Variants in RALGPS2 observed in about 807,000 individuals in gnomAD.
RALGPS2 encodes the protein ras-specific guanine nucleotide-releasing factor RalGPS2.
RALGPS2 carries 43 observed loss-of-function variants against 86.8 expected under a neutral mutation model. The ratio of observed to expected loss-of-function variants is 0.50; its 90% CI spans 0.39 to 0.64. RALGPS2 has a LOEUF of 0.64. Among genes scored for constraint, RALGPS2 ranks in the 30% least tolerant of loss-of-function variants. The pLI is 0.00. For missense variants in RALGPS2, 536 were observed against 694.6 expected, an observed-to-expected ratio of 0.77 and a Z score of 2.57; for synonymous variants, 243 against 231.3, an observed-to-expected ratio of 1.05 and a Z score of -0.46.
intron 1 of RALGPS2, among the ~76,000 whole-genome samples, chr1:178,752,868 A>G (rs1651756798): frequency 1.3e-5 from 2 of 152,152 alleles, no homozygotes; most frequent in Non-Finnish European, 2.9e-5. Context: ...TGAATTCAGT[A>G]TGGTCTTTCT....
intron 7 of RALGPS2, among the ~76,000 whole-genome samples, chr1:178,826,545 G>C (rs1338731672): frequency 6.6e-6 from 1 of 152,142 alleles, no homozygotes; most frequent in Non-Finnish European, 1.5e-5. Context: ...ATGGTTGCCA[G>C]GGATGGGGAG....
At chr1:178,852,278 C>G (rs1031576591) in intron 8 of RALGPS2, among the ~76,000 whole-genome samples, 2 of 152,130 alleles carry the variant, frequency 1.3e-5, no homozygotes, top group African/African-American at 4.8e-5. Flanking sequence ...TTATTCCCAC[C>G]TAACAAATTG....
At chr1:178,873,601 A>C (rs988858413) in intron 8 of RALGPS2, among the ~76,000 whole-genome samples, 10 of 152,170 alleles carry the variant, frequency 6.6e-5, no homozygotes, top group African/African-American at 2.4e-4. Context: ...GCTCCTAGGC[A>C]TGTTTGTATA....
chr1:178,877,899 C>G (rs945020114), intron 9 of RALGPS2, among the ~76,000 whole-genome samples: 1 of 152,064 alleles, frequency 6.6e-6, no homozygotes, highest in African/African-American at 2.4e-5. Context: ...CAGCAACTTT[C>G]TCACAGCACA....
chr1:178,761,984 T>C lies in RALGPS2; in HGVS notation c.-83-14698T>C, dbSNP rs149192744. Reference sequence around the variant, plus strand: ...GGTAATAAGCATAGTACCCAGTAGGTAGTTTCTCAATCCTCACTCTTCTTC... The same window carrying C: ...GGTAATAAGCATAGTACCCAGTAGGCAGTTTCTCAATCCTCACTCTTCTTC... On this transcript the variant is annotated intron_variant, in intron 1 of 19. Transcript: ENST00000367635. 5.1e-4 allele frequency among the ~76,000 whole-genome samples: 78 copies of C among 152,278 alleles called. 2 individuals carry two copies. In the East Asian group the frequency reaches 0.013, roughly 25 times the overall value.
chr1:178,762,981 CTT>C (rs1355494576), intron 1 of RALGPS2, among the ~76,000 whole-genome samples: 4 of 151,964 alleles, frequency 2.6e-5, no homozygotes, highest in African/African-American at 4.8e-5. Flanking sequence ...TAAGTTTTAC[CTT>C]TAAGTCTTTA....
At chr1:178,852,300 C>T (rs1429038034) in intron 8 of RALGPS2, among the ~76,000 whole-genome samples, 1 of 152,160 alleles carries the variant, frequency 6.6e-6, no homozygotes, top group Admixed American at 6.5e-5. Context: ...TTTGTCTCTC[C>T]TCCAGTGAGT....
At chr1:178,861,406 A>T (rs957116669) in intron 8 of RALGPS2, among the ~76,000 whole-genome samples, 1 of 151,932 alleles carries the variant, frequency 6.6e-6, no homozygotes, top group South Asian at 2.1e-4. Context: ...GACTTTTGAC[A>T]TACTAAATCC....
intron 8 of RALGPS2, among the ~76,000 whole-genome samples, chr1:178,870,456 A>T (rs1057142866): frequency 1.3e-5 from 2 of 152,200 alleles, no homozygotes; most frequent in African/African-American, 4.8e-5. Flanking sequence ...TTCTACTGTC[A>T]CTAAAGCACT....
At chr1:178,870,984 T>G (rs1287673391) in intron 8 of RALGPS2, 1 of 152,212 alleles carries the variant, frequency 6.6e-6, no homozygotes, top group Non-Finnish European at 1.5e-5. Flanking sequence ...TGGGCCGTCT[T>G]TAATCCAGCA....
chr1:178,779,228 C>A (rs894307942), intron 2 of RALGPS2, among the ~76,000 whole-genome samples: 1 of 152,132 alleles, frequency 6.6e-6, no homozygotes, highest in Non-Finnish European at 1.5e-5. Context: ...ACTAGATGCT[C>A]ACCCCTCTAG....
intron 7 of RALGPS2, among the ~76,000 whole-genome samples, chr1:178,832,602 G>A (rs932751433): frequency 6.6e-6 from 1 of 151,900 alleles, no homozygotes; most frequent in African/African-American, 2.4e-5. Flanking sequence ...AGGTGGAAAT[G>A]TTTTGCATGC....
intron 10 of RALGPS2, among the ~76,000 whole-genome samples, chr1:178,881,397 G>A (rs1031411388): frequency 5.9e-5 from 9 of 152,118 alleles, no homozygotes; most frequent in South Asian, 2.1e-4. Context: ...TTTGCATGGC[G>A]AACGATGAGT....
chr1:178,839,414 G>A (rs576558828), intron 8 of RALGPS2, among the ~76,000 whole-genome samples: 5 of 152,292 alleles, frequency 3.3e-5, no homozygotes, highest in Admixed American at 1.3e-4. Flanking sequence ...GCCAAACTAA[G>A]CTTCATAAGT....
chr1:178,865,791 G>A (rs748164009), intron 8 of RALGPS2: 1 of 1,534,816 alleles, frequency 6.5e-7, no homozygotes, highest in South Asian at 1.2e-5. Context: ...AAATGAGGTT[G>A]TAAAATGATG....
rs1647274200 is a variant in RALGPS2, at chr1:178,920,862, C to T, written c.*4503C>T. On this transcript the variant is annotated 3_prime_UTR_variant, in exon 20 of 20. Transcript: ENST00000367635. ...TGAGATTTATTTCCATTTATTTTTACATTTAAGTAACACTCAAAACAAACA... is the reference window on the plus strand; with the variant it reads ...TGAGATTTATTTCCATTTATTTTTATATTTAAGTAACACTCAAAACAAACA... 1 of 151,326 alleles carries T rather than the reference C, an allele frequency of 6.6e-6. No individual in the cohort carries two copies. The highest frequency in any genetic ancestry group is 2.4e-5 in the African/African-American group (1 of 41,034). 9.4% of individuals were successfully genotyped at this position (151,326 alleles called of 1,614,324 possible).
intron 8 of RALGPS2, among the ~76,000 whole-genome samples, chr1:178,839,784 C>T (rs866584453): frequency 6.6e-6 from 1 of 152,104 alleles, no homozygotes; most frequent in African/African-American, 2.4e-5. Flanking sequence ...TGCAGGGACA[C>T]ACATAGGCTC....
At chr1:178,780,749 C>T (rs1289739569) in intron 2 of RALGPS2, among the ~76,000 whole-genome samples, 1 of 152,082 alleles carries the variant, frequency 6.6e-6, no homozygotes, top group African/African-American at 2.4e-5. Context: ...GTGTCCCCTC[C>T]CCATCACTGC....
rs564532105 is a variant in RALGPS2, at chr1:178,920,349, A to G, written c.*3990A>G. Reference sequence around the variant, plus strand: ...TTTGATTACACCTATGTTTCAGGTTATAGTGGGGAGAAAATTTGGTCAGTG... The same window carrying G: ...TTTGATTACACCTATGTTTCAGGTTGTAGTGGGGAGAAAATTTGGTCAGTG... On this transcript the variant is annotated 3_prime_UTR_variant, in exon 20 of 20. Coordinates refer to ENST00000367635, the MANE Select transcript of RALGPS2 (RefSeq NM_152663.5). The G allele has an allele frequency of 7.4e-4, 113 of 152,114 alleles. No homozygotes were observed. The highest frequency in any genetic ancestry group is 2.7e-3 in the African/African-American group (112 of 41,548). The allele number at this position is 152,114 out of a possible 1,614,324, so 9.4% of individuals were successfully genotyped here. A position where few individuals can be genotyped will look rare whatever the true frequency, so the allele number is the denominator to read the frequency against.
Sources: gnomAD v4.1 joint callset for allele counts (sites outside exome capture counted in the v4.1 genomes callset) on GRCh38, gnomAD v4.1.1 for gene constraint, MANE v1.5 for transcripts, NCBI Gene and HGNC (gene_info 2026-07-23, HGNC 2026-07-21) for gene names.